The following PDE7B variants were observed in gnomAD, a reference collection of about 807,000 sequenced individuals.
The protein encoded by PDE7B is 3',5'-cyclic-AMP phosphodiesterase 7B.
Under a neutral mutation model 56.2 loss-of-function variants are expected in PDE7B, and 29 were observed. The observed-to-expected ratio is 0.52, with a 90% CI of 0.38 to 0.70. PDE7B has a LOEUF of 0.70. PDE7B is among the 30% of genes least tolerant of loss of function. PDE7B has a pLI of 0.00. For synonymous variants in PDE7B, 197 were observed against 196.9 expected (o/e 1.00, Z 0.00); for missense variants, 490 against 565.0 (o/e 0.87, Z 1.35).
intron 12 of PDE7B, among the ~76,000 whole-genome samples, chr6:136,188,486 G>A (rs926058194): frequency 3.9e-5 from 6 of 152,160 alleles, no homozygotes; most frequent in African/African-American, 1.4e-4. Context: ...CTTAGCCATG[G>A]AGGTTCTGCA....
chr6:135,863,170 A>G (rs1224734061), intron 1 of PDE7B, among the ~76,000 whole-genome samples: 2 of 152,038 alleles, frequency 1.3e-5, no homozygotes, highest in Non-Finnish European at 2.9e-5. Flanking sequence ...TAGAAGATTT[A>G]TTCATCATAT....
rs149067899 is a variant in PDE7B, at chr6:136,074,372, AT to A, written c.83-34358del. ...TGATACAGGCATACAATGCATCATA[AT>A]CGCATCAAGGTAAATGGGATATCTA... On this transcript the variant is annotated intron_variant, in intron 2 of 12. Transcript: ENST00000308191. Among the ~76,000 whole-genome samples the A allele has an allele frequency of 2.3e-3, 346 of 152,298 alleles. 3 individuals are homozygous for A. Among genetic ancestry groups the A allele is most frequent in the African/African-American group, 7.6e-3 (315 of 41,542 alleles).
chr6:136,171,634 CTTT>C (rs111587468), intron 8 of PDE7B, among the ~76,000 whole-genome samples: 1 of 151,190 alleles, frequency 6.6e-6, no homozygotes, highest in Non-Finnish European at 1.5e-5. Flanking sequence ...CACTGCTTCA[CTTT>C]TTTTTTATTA....
intron 1 of PDE7B, among the ~76,000 whole-genome samples, chr6:135,865,722 C>T (rs1775245529): frequency 6.6e-6 from 1 of 151,720 alleles, no homozygotes; most frequent in Admixed American, 6.6e-5. Context: ...TTATCTGTCT[C>T]TAGATAGGAT....
intron 1 of PDE7B, among the ~76,000 whole-genome samples, chr6:135,923,296 T>G (rs1473062428): frequency 1.3e-5 from 2 of 152,176 alleles, no homozygotes; most frequent in Admixed American, 6.5e-5. Flanking sequence ...AGAAGATGCA[T>G]GACTTGCCTT....
rs1366827038 is a variant in PDE7B, at chr6:136,191,793, G to A, written c.1306G>A (p.Ala436Thr). The A allele has an allele frequency of 6.4e-7, 1 of 1,566,130 alleles. No individual in the cohort carries two copies. The highest frequency in any genetic ancestry group is 1.9e-5 in the Admixed American group (1 of 52,464). The change falls in exon 13 of 13, where the codon GCA becomes ACA. Residue 436 changes from alanine to threonine, a missense_variant. Transcript: ENST00000308191. ...SSGSGPDHDH[A>T]GQGTESEEQE... Reference sequence around the variant, plus strand: ...TGGCAGCGGGCCTGACCACGACCACGCAGGCCAAGGGACTGAGAGCGAGGA... The same window carrying A: ...TGGCAGCGGGCCTGACCACGACCACACAGGCCAAGGGACTGAGAGCGAGGA...
intron 1 of PDE7B, among the ~76,000 whole-genome samples, chr6:135,877,291 A>T (rs926445792): frequency 1.4e-5 from 2 of 141,982 alleles, no homozygotes; most frequent in Middle Eastern, 3.7e-3. Flanking sequence ...TTTTCATGTC[A>T]TGTTTTGGGA....
chr6:136,128,471 C>A (rs1371591605), intron 3 of PDE7B, among the ~76,000 whole-genome samples: 1 of 152,090 alleles, frequency 6.6e-6, no homozygotes, highest in East Asian at 1.9e-4. Context: ...GTGTCTTAAT[C>A]TTTTGGTACT....
chr6:136,050,886 C>G (rs1776610906), intron 2 of PDE7B, among the ~76,000 whole-genome samples: 1 of 152,170 alleles, frequency 6.6e-6, no homozygotes, highest in South Asian at 2.1e-4. Context: ...CCTTTATCCT[C>G]TGAAACTTTC....
intron 1 of PDE7B, among the ~76,000 whole-genome samples, chr6:135,931,599 C>G (rs1774292548): frequency 6.6e-6 from 1 of 151,702 alleles, no homozygotes; most frequent in Non-Finnish European, 1.5e-5. Context: ...AAATTTTTTC[C>G]CAGAAATAAA....
At chr6:136,015,156 T>C (rs762560507) in intron 2 of PDE7B, among the ~76,000 whole-genome samples, 2 of 152,230 alleles carry the variant, frequency 1.3e-5, no homozygotes, top group Non-Finnish European at 1.5e-5. Flanking sequence ...GGTGGGATTC[T>C]TTTTCCTGAG....
At chr6:135,999,505 C>T (rs1775629114) in intron 2 of PDE7B, among the ~76,000 whole-genome samples, 1 of 151,954 alleles carries the variant, frequency 6.6e-6, no homozygotes, top group African/African-American at 2.4e-5. Context: ...TAAGTAAGAA[C>T]ATGTGGTATT....
intron 2 of PDE7B, among the ~76,000 whole-genome samples, chr6:136,088,554 G>C (rs1777330459): frequency 6.6e-6 from 1 of 152,132 alleles, no homozygotes; most frequent in Admixed American, 6.5e-5. Context: ...AGGATTAGAA[G>C]TCAAGTGGAC....
intron 1 of PDE7B, among the ~76,000 whole-genome samples, chr6:135,863,813 T>G (rs1775199316): frequency 6.6e-6 from 1 of 151,878 alleles, no homozygotes; most frequent in African/African-American, 2.4e-5. Context: ...TTTTAAATTG[T>G]CTATATGTTT....
chr6:135,896,183 C>T (rs1298281203), intron 1 of PDE7B, among the ~76,000 whole-genome samples: 1 of 152,128 alleles, frequency 6.6e-6, no homozygotes, highest in East Asian at 1.9e-4. Context: ...ACAGCCTATT[C>T]TCCTTGTGCT....
At chr6:135,874,988 A>C (rs1311875920) in intron 1 of PDE7B, among the ~76,000 whole-genome samples, 7 of 152,044 alleles carry the variant, frequency 4.6e-5, no homozygotes, top group Admixed American at 4.6e-4. Flanking sequence ...TCTGCTAAGA[A>C]GTCTATTCCA....
chr6:136,122,362 T>A (rs1308912299), intron 3 of PDE7B, among the ~76,000 whole-genome samples: 1 of 152,220 alleles, frequency 6.6e-6, no homozygotes, highest in African/African-American at 2.4e-5. Flanking sequence ...GCATTTTCTT[T>A]CCCTCATATC....
intron 3 of PDE7B, among the ~76,000 whole-genome samples, chr6:136,139,424 A>C (rs1778276758): frequency 6.6e-6 from 1 of 152,182 alleles, no homozygotes; most frequent in Non-Finnish European, 1.5e-5. Flanking sequence ...GTGCCTCAGT[A>C]AACATACGTG....
rs879770999 is a variant in PDE7B at position 135,904,507 on chromosome 6, A to G, written c.22-42957A>G. ...TATAGACAACAGATTACCCCAGTCC[A>G]TCCTTTCTCCATTTCCAAATGGGCA... is the stretch of plus-strand genomic sequence containing the variant. On this transcript the variant is annotated intron_variant, in intron 1 of 12. Transcript: ENST00000308191. 1.3e-5 allele frequency among the ~76,000 whole-genome samples: 2 copies of G among 152,202 alleles called. 1 individual carries two copies. The highest frequency in any genetic ancestry group is 4.1e-4 in the South Asian group (2 of 4,828).
Sources: allele counts gnomAD v4.1 joint callset (sites outside exome capture counted in the v4.1 genomes callset), GRCh38; gene constraint gnomAD v4.1.1; transcripts MANE v1.5; gene names NCBI Gene and HGNC (gene_info 2026-07-23, HGNC 2026-07-21).